The following ERBB4 variants were observed in gnomAD, a reference collection of about 807,000 sequenced individuals.
ERBB4 encodes receptor tyrosine-protein kinase erbB-4.
In ERBB4, 42 loss-of-function variants were observed where a neutral mutation model predicts 158.0. That is an observed-to-expected ratio of 0.27 (90% CI 0.21 to 0.34). The LOEUF is 0.34. Among genes scored for constraint, ERBB4 ranks in the 10% least tolerant of loss-of-function variants. The pLI, the probability that ERBB4 is intolerant of heterozygous loss-of-function variation, is 1.00. For synonymous variants in ERBB4, 583 were observed against 558.7 expected (o/e 1.04, Z -0.61); for missense variants, 1,333 against 1,624.1 (o/e 0.82, Z 3.08).
rs2062493118 is a variant in ERBB4 at position 211,377,311 on chromosome 2, TA to T, written c.*6303del. The T allele has an allele frequency of 4.3e-6, 1 of 233,140 alleles. No individual in the cohort carries two copies. Among genetic ancestry groups the T allele is most frequent in the South Asian group, 1.8e-4 (1 of 5,524 alleles). 14.4% of individuals were successfully genotyped at this position (233,140 alleles called of 1,614,324 possible). A position where few individuals can be genotyped will look rare whatever the true frequency, so the allele number is the denominator to read the frequency against. ...GGGGGAAATATCTACGCATTGGGGATAAAAATAGCAGTAAAGGCAAAGTGGT... is the reference window on the plus strand; with the variant it reads ...GGGGGAAATATCTACGCATTGGGGATAAAATAGCAGTAAAGGCAAAGTGGT... On this transcript the variant is annotated 3_prime_UTR_variant, in exon 28 of 28. Transcript: ENST00000342788.
intron 14 of ERBB4, among the ~76,000 whole-genome samples, chr2:211,671,038 G>A (rs1182109825): frequency 1.3e-5 from 2 of 152,048 alleles, no homozygotes; most frequent in Non-Finnish European, 2.9e-5. Flanking sequence ...GTCTTACTAT[G>A]CAACATTTAA....
In ERBB4 at chr2:212,344,090, T is replaced by C. The variant is rs16848395; in HGVS notation, c.82+194359A>G. ...TAATGGGAAAAATTTAGGGGAAAAA[T>C]ATGGTTATATAGATGGGGCCACCAA... On this transcript the variant is annotated intron_variant, in intron 1 of 27. Coordinates refer to ENST00000342788, the MANE Select transcript of ERBB4 (RefSeq NM_005235.3). Among the ~76,000 whole-genome samples, 102 of 152,222 alleles carry C rather than the reference T, an allele frequency of 6.7e-4. No individual in the cohort carries two copies. The East Asian group carries it at 0.019, about 29-fold the overall frequency.
chr2:212,491,491 G>A (rs1296602236), intron 1 of ERBB4, among the ~76,000 whole-genome samples: 1 of 151,416 alleles, frequency 6.6e-6, no homozygotes, highest in Non-Finnish European at 1.5e-5. Flanking sequence ...ATTTCACAGA[G>A]GTTACTGATT....
intron 6 of ERBB4, among the ~76,000 whole-genome samples, chr2:211,724,418 CTG>C (rs1168891514): frequency 3.3e-5 from 5 of 149,646 alleles, no homozygotes; most frequent in Admixed American, 3.3e-4. Flanking sequence ...AAAAAAATTT[CTG>C]TGTTCATTTT....
intron 20 of ERBB4, among the ~76,000 whole-genome samples, chr2:211,467,882 C>T (rs531688237): frequency 6.6e-6 from 1 of 152,234 alleles, no homozygotes; most frequent in East Asian, 1.9e-4. Context: ...CCAAAATATG[C>T]AGGGAAATTG....
intron 3 of ERBB4, among the ~76,000 whole-genome samples, chr2:211,898,859 A>T (rs1393579249): frequency 1.3e-5 from 2 of 152,118 alleles, no homozygotes; most frequent in Non-Finnish European, 2.9e-5. Flanking sequence ...GGACCTACAG[A>T]CCTTAAGTTA....
At chr2:211,388,993 G>A (rs1235476495) in intron 25 of ERBB4, among the ~76,000 whole-genome samples, 3 of 152,154 alleles carry the variant, frequency 2.0e-5, no homozygotes, top group Non-Finnish European at 4.4e-5. Context: ...AGTAAACAGA[G>A]ATGACTAAAA....
intron 1 of ERBB4, among the ~76,000 whole-genome samples, chr2:212,412,065 C>A (rs2091515853): frequency 6.6e-6 from 1 of 152,092 alleles, no homozygotes; most frequent in African/African-American, 2.4e-5. Flanking sequence ...CCTGCAAACC[C>A]TCTCTTTAAT....
chr2:211,773,569 A>C (rs1325464103), intron 4 of ERBB4, among the ~76,000 whole-genome samples: 1 of 130,200 alleles, frequency 7.7e-6, no homozygotes, highest in African/African-American at 2.7e-5. Flanking sequence ...TGTCACTTTC[A>C]AGAAAGTAAG....
In ERBB4 at chr2:212,418,839, G is replaced by A. The variant is rs1208370374; in HGVS notation, c.82+119610C>T. 2.0e-5 allele frequency among the ~76,000 whole-genome samples: 3 copies of A among 151,808 alleles called. No homozygotes were observed. The East Asian group carries it at 5.8e-4, about 29-fold the overall frequency. ...TTTAATGTAAGGCAAGATGTATCTG[G>A]AAAATAGGTGTTTCTGAAGTGTTTT... On this transcript the variant is annotated intron_variant, in intron 1 of 27. Transcript: ENST00000342788.
chr2:212,122,894 A>G (rs2079800517), intron 2 of ERBB4, among the ~76,000 whole-genome samples: 1 of 152,142 alleles, frequency 6.6e-6, no homozygotes. Flanking sequence ...AAGTAAAGCA[A>G]ACATAAGAAG....
intron 1 of ERBB4, among the ~76,000 whole-genome samples, chr2:212,366,130 CA>C (rs2089881952): frequency 6.6e-6 from 1 of 151,768 alleles, no homozygotes; most frequent in Admixed American, 6.6e-5. Context: ...ATTTGATTGG[CA>C]AAATCTGCTC....
chr2:211,434,246 T>A (rs2063803495), intron 20 of ERBB4, among the ~76,000 whole-genome samples: 1 of 152,180 alleles, frequency 6.6e-6, no homozygotes, highest in Admixed American at 6.5e-5. Context: ...TTTAAAACTC[T>A]GCTATGATCT....
At chr2:212,095,946 GAAAAAAA>G (rs35084866) in intron 2 of ERBB4, among the ~76,000 whole-genome samples, 1 of 130,176 alleles carries the variant, frequency 7.7e-6, no homozygotes, top group African/African-American at 2.9e-5. Flanking sequence ...AAAAAAAAAA[GAAAAAAA>G]AAAAAAGAAA....
intron 4 of ERBB4, among the ~76,000 whole-genome samples, chr2:211,767,113 C>G (rs575453702): frequency 1.3e-5 from 2 of 152,246 alleles, no homozygotes; most frequent in African/African-American, 4.8e-5. Context: ...CAAGGCTACT[C>G]CCACTCTGTG....
intron 2 of ERBB4, among the ~76,000 whole-genome samples, chr2:212,071,827 C>G (rs1302324550): frequency 6.6e-6 from 1 of 151,978 alleles, no homozygotes; most frequent in Non-Finnish European, 1.5e-5. Context: ...ATCTACTTCT[C>G]TAGTCTAGGC....
chr2:212,220,388 G>T (rs1407318611), intron 1 of ERBB4, among the ~76,000 whole-genome samples: 1 of 151,312 alleles, frequency 6.6e-6, no homozygotes, highest in African/African-American at 2.4e-5. Flanking sequence ...CAAAGAAAAA[G>T]CTTTTTATTC....
intron 1 of ERBB4, among the ~76,000 whole-genome samples, chr2:212,455,960 C>T (rs377379761): frequency 1.3e-3 from 196 of 152,064 alleles, no homozygotes; most frequent in Middle Eastern, 6.8e-3. Flanking sequence ...ACACCTTTAA[C>T]GTAATGGCTT....
At chr2:212,474,822 C>CCTTTTTTTTTTTTTTTTTTTT (rs1689295723) in intron 1 of ERBB4, among the ~76,000 whole-genome samples, 12 of 94,414 alleles carry the variant, frequency 1.3e-4, no homozygotes, top group African/African-American at 7.3e-4. Flanking sequence ...CCCGGCCATT[C>CCTTTTTTTTTTTTTTTTTTTT]TTTTTTTTTT....
Sources: allele counts gnomAD v4.1 joint callset (sites outside exome capture counted in the v4.1 genomes callset), GRCh38; gene constraint gnomAD v4.1.1; transcripts MANE v1.5; gene names NCBI Gene and HGNC (gene_info 2026-07-23, HGNC 2026-07-21).